CDH20: variants seen among roughly 807,000 people sequenced by gnomAD.
CDH20 encodes the protein cadherin-20.
A neutral mutation model predicts 74.2 loss-of-function variants in CDH20; 29 were observed. The ratio of observed to expected loss-of-function variants is 0.39; its 90% CI spans 0.29 to 0.53. The LOEUF (loss-of-function observed/expected upper bound fraction) is 0.53. CDH20 is among the 20% of genes least tolerant of loss of function. The pLI is 0.69. For missense variants in CDH20, 988 were observed against 1,048.3 expected, an observed-to-expected ratio of 0.94 and a Z score of 0.79; for synonymous variants, 469 against 405.4, an observed-to-expected ratio of 1.16 and a Z score of -1.88.
chr18:61,486,362 A>C (rs610229), intron 1 of CDH20, among the ~76,000 whole-genome samples: 1 of 152,202 alleles, frequency 6.6e-6, no homozygotes, highest in Non-Finnish European at 1.5e-5. Context: ...TGGGAATATT[A>C]TTGTTTGTGA....
At chr18:61,458,311 G>C (rs951599278) in intron 1 of CDH20, among the ~76,000 whole-genome samples, 2 of 152,098 alleles carry the variant, frequency 1.3e-5, no homozygotes, top group Non-Finnish European at 2.9e-5. Flanking sequence ...GTTCTAAAAA[G>C]AACTCCAAAA....
At chr18:61,378,830 A>C (rs886166082) in intron 1 of CDH20, among the ~76,000 whole-genome samples, 1 of 152,196 alleles carries the variant, frequency 6.6e-6, no homozygotes, top group Non-Finnish European at 1.5e-5. Context: ...TTCAGCTTAG[A>C]TGTGACTTGG....
intron 1 of CDH20, among the ~76,000 whole-genome samples, chr18:61,477,680 ATAT>A (rs1183774959): frequency 7.2e-5 from 11 of 151,856 alleles, no homozygotes; most frequent in African/African-American, 1.7e-4. Flanking sequence ...ATTAAAATAT[ATAT>A]TATAATTAGC....
intron 6 of CDH20, among the ~76,000 whole-genome samples, chr18:61,521,286 A>G (rs1912198085): frequency 6.6e-6 from 1 of 151,408 alleles, no homozygotes; most frequent in South Asian, 2.1e-4. Context: ...ATCAGGGAAT[A>G]CTATAAACAC....
intron 1 of CDH20, among the ~76,000 whole-genome samples, chr18:61,427,758 A>G (rs895791912): frequency 6.6e-6 from 1 of 152,234 alleles, no homozygotes; most frequent in Non-Finnish European, 1.5e-5. Context: ...ATGTAGCGCT[A>G]AACTGCATGA....
Position 61,446,365 on chromosome 18 carries a change from T to A in CDH20, c.-152-44037T>A, listed in dbSNP as rs146344716. Among the ~76,000 whole-genome samples the A allele has an allele frequency of 4.7e-3, 721 of 152,224 alleles. 6 individuals carry two copies. Among genetic ancestry groups the A allele is most frequent in the African/African-American group, 0.017 (691 of 41,532 alleles). ...TTTTCACTCTGGAGCTCTCCTTCTTTAACTGTTTCCTGTTCTCACCGCTCT... is the reference window on the plus strand; with the variant it reads ...TTTTCACTCTGGAGCTCTCCTTCTTAAACTGTTTCCTGTTCTCACCGCTCT... On this transcript the variant is annotated intron_variant, in intron 1 of 11. Coordinates refer to ENST00000262717, the MANE Select transcript of CDH20 (RefSeq NM_031891.4).
At chr18:61,417,475 G>A (rs1175465258) in intron 1 of CDH20, among the ~76,000 whole-genome samples, 1 of 146,318 alleles carries the variant, frequency 6.8e-6, no homozygotes, top group African/African-American at 2.5e-5. Context: ...GTGAAATCTT[G>A]TAATTTGCAA....
At chr18:61,420,727 C>T (rs971509759) in intron 1 of CDH20, among the ~76,000 whole-genome samples, 1 of 152,130 alleles carries the variant, frequency 6.6e-6, no homozygotes, top group Admixed American at 6.5e-5. Flanking sequence ...TCCTACTCAT[C>T]ACCACATTCC....
At chr18:61,354,962 C>T (rs78855354) in intron 1 of CDH20, among the ~76,000 whole-genome samples, 2,045 of 152,240 alleles carry the variant, frequency 0.013, 49 homozygotes, top group African/African-American at 0.047. Flanking sequence ...AAGGCAATGC[C>T]GTAAAAAACT....
intron 9 of CDH20, among the ~76,000 whole-genome samples, chr18:61,541,299 TG>T (rs139286245): frequency 4.0e-3 from 602 of 151,358 alleles, no homozygotes; most frequent in Middle Eastern, 6.9e-3. Flanking sequence ...TTTATATATA[TG>T]TAATATAAAC....
intron 9 of CDH20, among the ~76,000 whole-genome samples, chr18:61,542,541 A>C (rs1913077156): frequency 6.6e-6 from 1 of 152,216 alleles, no homozygotes; most frequent in Admixed American, 6.5e-5. Context: ...CCCCAAGTTG[A>C]GATGGGATAG....
At chr18:61,373,043 T>C (rs1345127557) in intron 1 of CDH20, among the ~76,000 whole-genome samples, 4 of 152,148 alleles carry the variant, frequency 2.6e-5, no homozygotes, top group Non-Finnish European at 5.9e-5. Context: ...CTCTGTGGGC[T>C]CATGGTTAAC....
intron 1 of CDH20, among the ~76,000 whole-genome samples, chr18:61,435,834 T>C (rs899899589): frequency 3.3e-5 from 5 of 152,040 alleles, no homozygotes; most frequent in Admixed American, 2.0e-4. Flanking sequence ...TTTTAATATA[T>C]TCACATAGTT....
At position 61,539,094 on chromosome 18, in the gene CDH20, G is replaced by C; in HGVS notation, c.1479G>C (p.Glu493Asp). 1 of 1,614,048 alleles carries C rather than the reference G, an allele frequency of 6.2e-7. No homozygotes were observed. Among genetic ancestry groups the C allele is most frequent in the Non-Finnish European group, 8.5e-7 (1 of 1,179,986 alleles). ...KVLDVNDNAP[E>D]FPRFYEAFVC... ...TAGATGTGAATGACAATGCTCCAGA[G>C]TTCCCCAGATTCTATGAAGCTTTTG... The change falls in exon 9 of 12, where the codon GAG (glutamate) becomes GAC (aspartate). Residue 493 changes from glutamate (E) to aspartate (D), a missense_variant. Physicochemically the swap from Glu to Asp is conservative, Grantham distance 45 (BLOSUM62 2). Transcript: ENST00000262717.
chr18:61,513,658 T>A (rs1911869725), intron 6 of CDH20, among the ~76,000 whole-genome samples: 1 of 152,222 alleles, frequency 6.6e-6, no homozygotes. Context: ...TCTCCACATT[T>A]AGCGCTTCCT....
At chr18:61,372,318 C>T (rs1470111913) in intron 1 of CDH20, among the ~76,000 whole-genome samples, 1 of 152,010 alleles carries the variant, frequency 6.6e-6, no homozygotes, top group African/African-American at 2.4e-5. Context: ...GCTAAAATAT[C>T]TTCTGTGTCT....
chr18:61,398,180 C>G (rs571736032), intron 1 of CDH20, among the ~76,000 whole-genome samples: 1 of 152,224 alleles, frequency 6.6e-6, no homozygotes, highest in South Asian at 2.1e-4. Flanking sequence ...GAATGAGAGT[C>G]TGAACGGGTC....
At chr18:61,400,221 A>G (rs891565859) in intron 1 of CDH20, among the ~76,000 whole-genome samples, 6 of 152,152 alleles carry the variant, frequency 3.9e-5, no homozygotes, top group Non-Finnish European at 5.9e-5. Flanking sequence ...TCCAAATTCT[A>G]TCAGAAGAAG....
chr18:61,377,210 G>A (rs1911266329), intron 1 of CDH20, among the ~76,000 whole-genome samples: 1 of 151,946 alleles, frequency 6.6e-6, no homozygotes, highest in Non-Finnish European at 1.5e-5. Context: ...TTGTTGTAGA[G>A]GTTGTACTTA....
Sources: gnomAD v4.1 joint callset for allele counts (sites outside exome capture counted in the v4.1 genomes callset) on GRCh38, gnomAD v4.1.1 for gene constraint, MANE v1.5 for transcripts, NCBI Gene and HGNC (gene_info 2026-07-23, HGNC 2026-07-21) for gene names.